The following ZNF439 variants were observed in gnomAD, a reference collection of about 807,000 sequenced individuals.
ZNF439 encodes the protein zinc finger protein 439.
In ZNF439, 40 loss-of-function variants were observed where a neutral mutation model predicts 47.3. That is an observed-to-expected ratio of 0.85 (90% CI 0.66 to 1.10). The LOEUF (loss-of-function observed/expected upper bound fraction) is 1.10. ZNF439 is among the 50% of genes least tolerant of loss of function. The probability of loss-of-function intolerance (pLI) is 0.00; values close to 1 mark genes in which losing one functional copy is unlikely to be tolerated. For synonymous variants in ZNF439, 171 were observed against 198.8 expected, an observed-to-expected ratio of 0.86 and a Z score of 1.18; for missense variants, 556 against 601.1, an observed-to-expected ratio of 0.93 and a Z score of 0.78.
intron 1 of ZNF439, among the ~76,000 whole-genome samples, chr19:11,851,802 C>T (rs528384523): frequency 2.0e-5 from 3 of 152,054 alleles, no homozygotes; most frequent in Non-Finnish European, 4.4e-5. Context: ...TCGCCCACTA[C>T]CACACCTGGG....
In ZNF439 at chr19:11,868,189, A is replaced by G. The variant is rs1477049728; in HGVS notation, c.1135A>G (p.Lys379Glu). The stretch of plus-strand genomic sequence containing the variant: ...TGCCAAGTCATTTCAAAGACATGAA[A>G]AAACTCACAGTGGAGAGAAACCGTA... ...YSAKSFQRHE[K>E]THSGEKPYKC... The change falls in exon 4 of 4, where the codon AAA becomes GAA. Residue 379 changes from lysine (K) to glutamate (E), a missense_variant. Transcript: ENST00000682736. 1 of 1,614,120 alleles carries G rather than the reference A, an allele frequency of 6.2e-7. No individual in the cohort carries two copies. Among genetic ancestry groups the G allele is most frequent in the South Asian group, 1.1e-5 (1 of 91,086 alleles).
intron 1 of ZNF439, among the ~76,000 whole-genome samples, chr19:11,851,767 G>A (rs747978562): frequency 2.0e-5 from 3 of 151,374 alleles, no homozygotes; most frequent in South Asian, 2.1e-4. Context: ...GAGCACCTCC[G>A]CCTCCCAAGT....
At chr19:11,862,028 A>C (rs1415694701) in intron 1 of ZNF439, among the ~76,000 whole-genome samples, 1 of 152,184 alleles carries the variant, frequency 6.6e-6, no homozygotes, top group East Asian at 1.9e-4. Context: ...AAAAATATGC[A>C]TTGAAGGTCT....
Position 11,853,987 on chromosome 19 carries a change from C to T in ZNF439, c.63+5057C>T, listed in dbSNP as rs569967660. Among the ~76,000 whole-genome samples the T allele has an allele frequency of 9.6e-4, 146 of 152,282 alleles. 1 individual carries two copies. The highest frequency in any genetic ancestry group is 3.2e-3 in the African/African-American group (135 of 41,566). On this transcript the variant is annotated intron_variant, in intron 1 of 3. Transcript: ENST00000682736. ...TATTTAAGTCAAGAATTTTGTTTTG[C>T]AGTTCACCAATATCAAAGGTCCCGT...
chr19:11,849,378 C>A, intron 1 of ZNF439: 1 of 814,882 alleles, frequency 1.2e-6, no homozygotes, highest in Non-Finnish European at 1.5e-6. Context: ...CCGGTCCTGG[C>A]TTGTGGTTTG....
Position 11,868,435 on chromosome 19 carries a change from C to T in ZNF439, c.1381C>T (p.His461Tyr), listed in dbSNP as rs1240392196. The change falls in exon 4 of 4, where the codon CAT becomes TAT. Residue 461 changes from histidine (H) to tyrosine (Y), a missense_variant. Transcript: ENST00000682736. ...AFRSASQLRI[H>Y]RRIHTGEKPY... ...CAGATCTGCCTCACAACTTCGAATC[C>T]ATCGTAGGATTCACACTGGAGAGAA... 6.2e-7 allele frequency: 1 copy of T among 1,613,734 alleles called. No homozygotes were observed. Among genetic ancestry groups the T allele is most frequent in the Non-Finnish European group, 8.5e-7 (1 of 1,179,934 alleles).
rs71166640 is a variant in ZNF439 at position 11,865,712 on chromosome 19, CAAAAAAAAAA to C, written c.64-474_64-465del. Among the ~76,000 whole-genome samples, 268 of 81,996 alleles carry C rather than the reference CAAAAAAAAAA, an allele frequency of 3.3e-3. 4 individuals are homozygous for C. Among genetic ancestry groups the C allele is most frequent in the African/African-American group, 0.015 (218 of 14,724 alleles). 53.8% of individuals were successfully genotyped at this position (81,996 alleles called of 152,430 possible). A position where few individuals can be genotyped will look rare whatever the true frequency, so the allele number is the denominator to read the frequency against. On this transcript the variant is annotated intron_variant, in intron 1 of 3. Coordinates refer to ENST00000682736, the MANE Select transcript of ZNF439 (RefSeq NM_001348719.2). Reference sequence around the variant, plus strand: ...CAGCTGACAGAGCGATACACTATCACAAAAAAAAAAAAAAAAAAAAAAAAAAAATTGCTGT... The same window carrying C: ...CAGCTGACAGAGCGATACACTATCACAAAAAAAAAAAAAAAAAATTGCTGT...
At chr19:11,865,972 A>G in intron 1 of ZNF439, 2 of 1,294,600 alleles carry the variant, frequency 1.5e-6, no homozygotes, top group Non-Finnish European at 2.0e-6. Flanking sequence ...CCGAGATTGC[A>G]CCATTGTACT....
chr19:11,863,879 C>T (rs1029329059), intron 1 of ZNF439, among the ~76,000 whole-genome samples: 3 of 152,156 alleles, frequency 2.0e-5, no homozygotes, highest in Admixed American at 2.0e-4. Context: ...TGTTTTGTGC[C>T]ACCATGTCTA....
At chr19:11,865,862 T>A in intron 1 of ZNF439, 1 of 299,788 alleles carries the variant, frequency 3.3e-6, no homozygotes, top group Non-Finnish European at 5.5e-6. Flanking sequence ...ACCCTGTCTC[T>A]ACTAAAAATA....
chr19:11,867,891 A>G lies in ZNF439; in HGVS notation c.837A>G (p.Glu279=), dbSNP rs756738419. The change falls in exon 4 of 4, where the codon GAA becomes GAG. Residue 279 remains glutamate (E), a synonymous_variant. Coordinates refer to ENST00000682736, the MANE Select transcript of ZNF439 (RefSeq NM_001348719.2). ...GAGAAAAGCCTTATGAATGTCAGGA[A>G]TGTGGGAAAGCATTCCATAGTCCCA... The part of the protein sequence containing the change: ...HIGEKPYECQ[E]CGKAFHSPRS... 6.2e-7 allele frequency: 1 copy of G among 1,614,152 alleles called. No individual in the cohort carries two copies. The highest frequency in any genetic ancestry group is 1.3e-5 in the African/African-American group (1 of 75,052).
At position 11,868,135 on chromosome 19, in the gene ZNF439, T is replaced by C. The variant is rs1976756112; in HGVS notation, c.1081T>C (p.Cys361Arg). ...RMHSGERPYE[C>R]KTCGKGFYSA... The stretch of plus-strand genomic sequence containing the variant: ...GCACTCTGGAGAAAGACCTTATGAA[T>C]GTAAGACATGTGGGAAAGGCTTTTA... The change falls in exon 4 of 4, where the codon TGT (cysteine) becomes CGT (arginine). Residue 361 changes from cysteine to arginine, a missense_variant. Coordinates refer to ENST00000682736, the MANE Select transcript of ZNF439 (RefSeq NM_001348719.2). The C allele has an allele frequency of 1.2e-6, 2 of 1,614,154 alleles. No homozygotes were observed. The highest frequency in any genetic ancestry group is 2.2e-5 in the East Asian group (1 of 44,882).
chr19:11,857,422 G>A (rs1976416297), intron 1 of ZNF439: 2 of 152,176 alleles, frequency 1.3e-5, no homozygotes, highest in African/African-American at 4.8e-5. Context: ...AGGAAGATAG[G>A]CTTGCAAGGT....
rs983406662 is a variant in ZNF439, at chr19:11,868,268, A to T, written c.1214A>T (p.His405Leu). The T allele has an allele frequency of 5.0e-6, 8 of 1,614,000 alleles. No individual in the cohort carries two copies. Among genetic ancestry groups the T allele is most frequent in the Non-Finnish European group, 6.8e-6 (8 of 1,180,018 alleles). Reference protein sequence around the residue: ...AFTRSGSFRYHERTHTGEKPY... With the variant: ...AFTRSGSFRYLERTHTGEKPY... ...ACTCGTTCCGGTTCCTTTCGATATC[A>T]TGAAAGGACTCACACTGGAGAGAAA... Residue 405 changes from histidine to leucine, a missense_variant, in exon 4 of 4, where the codon CAT (histidine) becomes CTT (leucine). Coordinates refer to ENST00000682736, the MANE Select transcript of ZNF439 (RefSeq NM_001348719.2).
intron 1 of ZNF439, among the ~76,000 whole-genome samples, chr19:11,851,376 C>G (rs1207357931): frequency 6.6e-6 from 1 of 152,186 alleles, no homozygotes; most frequent in African/African-American, 2.4e-5. Context: ...CTTGAAAGCA[C>G]ATATTATGGG....
chr19:11,852,192 G>A (rs763433079), intron 1 of ZNF439, among the ~76,000 whole-genome samples: 4 of 152,188 alleles, frequency 2.6e-5, no homozygotes, highest in East Asian at 1.9e-4. Context: ...TTGGGAGGCT[G>A]AGGCAGGTGG....
chr19:11,864,188 A>G (rs760721771), intron 1 of ZNF439, among the ~76,000 whole-genome samples: 37 of 152,354 alleles, frequency 2.4e-4, no homozygotes, highest in Admixed American at 8.5e-4. Flanking sequence ...GACCTTGAGC[A>G]GTAGGATACA....
At position 11,869,008 on chromosome 19, in the gene ZNF439, T is replaced by A; in HGVS notation, c.*439T>A. 1 of 291,018 alleles carries A rather than the reference T, an allele frequency of 3.4e-6. No homozygotes were observed. Among genetic ancestry groups the A allele is most frequent in the Non-Finnish European group, 7.0e-6 (1 of 142,952 alleles). 18.0% of individuals were successfully genotyped at this position (291,018 alleles called of 1,614,324 possible). On this transcript the variant is annotated 3_prime_UTR_variant, in exon 4 of 4. Transcript: ENST00000682736. ...GAATGTAAGGAATGCAAACAAGCAT[T>A]CAATTATTTTTCTTCCTTGCATATA...
chr19:11,862,190 G>A (rs1782229197), intron 1 of ZNF439, among the ~76,000 whole-genome samples: 2 of 152,066 alleles, frequency 1.3e-5, no homozygotes, highest in Non-Finnish European at 2.9e-5. Flanking sequence ...GATTCCACTT[G>A]TGAGCCACCA....
Sources: allele counts gnomAD v4.1 joint callset (sites outside exome capture counted in the v4.1 genomes callset), GRCh38; gene constraint gnomAD v4.1.1; transcripts MANE v1.5; gene names NCBI Gene and HGNC (gene_info 2026-07-23, HGNC 2026-07-21).